CCDC136: variants seen among roughly 807,000 people sequenced by gnomAD.
The protein encoded by CCDC136 is coiled-coil domain containing 136, also known as coiled-coil domain-containing protein 136.
CCDC136 carries 100 observed loss-of-function variants against 141.2 expected under a neutral mutation model. The observed-to-expected ratio is 0.71, with a 90% CI of 0.60 to 0.84. The LOEUF (loss-of-function observed/expected upper bound fraction) is 0.84. Ranked by LOEUF, CCDC136 falls within the 40% of genes least tolerant of loss-of-function variation. CCDC136 has a pLI of 0.00. For missense variants in CCDC136, 1,206 were observed against 1,379.4 expected, an observed-to-expected ratio of 0.87 and a Z score of 1.99; for synonymous variants, 474 against 531.9, an observed-to-expected ratio of 0.89 and a Z score of 1.50.
chr7:128,812,460 C>G, intron 13 of CCDC136, 148 bp downstream of exon 13: 1 of 915,326 alleles, frequency 1.1e-6, no homozygotes, highest in African/African-American at 1.7e-5. Flanking sequence ...GCCCTCTACC[C>G]ATGGCAGCCT....
chr7:128,812,642 C>A, intron 13 of CCDC136, 66 bp from the exon 14 acceptor site: 3 of 1,275,212 alleles, frequency 2.4e-6, no homozygotes, highest in Non-Finnish European at 1.1e-6. Flanking sequence ...AGGGAAGGGC[C>A]CAGCAGAGTA....
rs1438485584 is a variant in CCDC136 at position 128,815,620 on chromosome 7, G to C, written c.3052G>C (p.Glu1018Gln). Residue 1018 changes from glutamate (E) to glutamine (Q), a missense_variant, in exon 16 of 18, where the codon GAG becomes CAG. Coordinates refer to ENST00000297788, the MANE Select transcript of CCDC136 (RefSeq NM_022742.5). ...ESDLETRKSL[E>Q]VVLYYKASQR... Reference sequence around the variant, plus strand: ...CCCTACTCCCACCCCACAGAGTCTGGAGGTAGTGCTGTACTACAAGGCCAG... The same window carrying C: ...CCCTACTCCCACCCCACAGAGTCTGCAGGTAGTGCTGTACTACAAGGCCAG... The C allele has an allele frequency of 1.9e-6, 3 of 1,553,758 alleles. No homozygotes were observed. Among genetic ancestry groups the C allele is most frequent in the African/African-American group, 2.7e-5 (2 of 73,074 alleles).
chr7:128,813,816 A>G (rs1330759756), intron 14 of CCDC136, among the ~76,000 whole-genome samples: 1 of 152,068 alleles, frequency 6.6e-6, no homozygotes, highest in East Asian at 1.9e-4. Flanking sequence ...CCCCATCTCT[A>G]CTAAAAATAC....
Position 128,821,772 on chromosome 7 carries a change from C to T in CCDC136, c.*6-27C>T, listed in dbSNP as rs1807465782. ...AGGGCAGGGTTCAGGAGGCTGGGCACTCACAGTTTCTCTTTGGTCCCCACA... is the reference window on the plus strand; with the variant it reads ...AGGGCAGGGTTCAGGAGGCTGGGCATTCACAGTTTCTCTTTGGTCCCCACA... On this transcript the variant is annotated intron_variant, in intron 17 of 17. Coordinates refer to ENST00000297788, the MANE Select transcript of CCDC136 (RefSeq NM_022742.5). The surrounding 1 kb of genome is among the most constrained non-coding windows in gnomAD (Gnocchi z 5.1). 5 of 1,290,224 alleles carry T rather than the reference C, an allele frequency of 3.9e-6. No homozygotes were observed. Among genetic ancestry groups the T allele is most frequent in the Non-Finnish European group, 5.1e-6 (5 of 988,928 alleles). 79.9% of individuals were successfully genotyped at this position (1,290,224 alleles called of 1,614,324 possible). A position where few individuals can be genotyped will look rare whatever the true frequency, so the allele number is the denominator to read the frequency against.
intron 3 of CCDC136, among the ~76,000 whole-genome samples, chr7:128,800,447 C>A (rs1172897789): frequency 6.6e-6 from 1 of 150,824 alleles, no homozygotes; most frequent in Admixed American, 6.6e-5. Flanking sequence ...CGTGCCACCA[C>A]ACCTGGCTTT....
Position 128,792,277 on chromosome 7 carries a change from C to T in CCDC136, c.-135C>T. The T allele has an allele frequency of 1.3e-6, 2 of 1,511,088 alleles. No individual in the cohort carries two copies. Among genetic ancestry groups the T allele is most frequent in the Non-Finnish European group, 8.9e-7 (1 of 1,122,698 alleles). The allele number at this position is 1,511,088 out of a possible 1,614,324, so 93.6% of individuals were successfully genotyped here. On this transcript the variant is annotated 5_prime_UTR_variant, in exon 1 of 18. Coordinates refer to ENST00000297788, the MANE Select transcript of CCDC136 (RefSeq NM_022742.5). The stretch of plus-strand genomic sequence containing the variant: ...CTTTCCTCTGCACCCCAGCCCGCAG[C>T]CAGCCCCCCACCCCCCAGCCCCTCC...
chr7:128,797,531 G>A (rs951194650), intron 3 of CCDC136, among the ~76,000 whole-genome samples: 1 of 152,200 alleles, frequency 6.6e-6, no homozygotes, highest in African/African-American at 2.4e-5. Flanking sequence ...AGAGCAGAAA[G>A]TGCTTCAAGG....
chr7:128,795,156 G>A (rs551263055), intron 3 of CCDC136, among the ~76,000 whole-genome samples: 1 of 152,050 alleles, frequency 6.6e-6, no homozygotes, highest in African/African-American at 2.4e-5. Flanking sequence ...CCTTTTTCTG[G>A]TTCCTCCAAG....
chr7:128,821,748 G>A lies in CCDC136; in HGVS notation c.*6-51G>A. 7.8e-7 allele frequency: 1 copy of A among 1,285,960 alleles called. No homozygotes were observed. The highest frequency in any genetic ancestry group is 5.6e-5 in the East Asian group (1 of 18,004). The allele number at this position is 1,285,960 out of a possible 1,614,324, so 79.7% of individuals were successfully genotyped here. On this transcript the variant is annotated intron_variant, in intron 17 of 17. Coordinates refer to ENST00000297788, the MANE Select transcript of CCDC136 (RefSeq NM_022742.5). This position sits in a 1 kb window ranked among gnomAD's most constrained non-coding sequence, Gnocchi z 5.1. Reference sequence around the variant, plus strand: ...CCATAGGCAGGTGACTTCTGGCTTAGGGCAGGGTTCAGGAGGCTGGGCACT... The same window carrying A: ...CCATAGGCAGGTGACTTCTGGCTTAAGGCAGGGTTCAGGAGGCTGGGCACT...
In CCDC136 at chr7:128,805,568, T is replaced by C. The variant is rs1427706305; in HGVS notation, c.948+44T>C. 6.4e-7 allele frequency: 1 copy of C among 1,566,360 alleles called. No individual in the cohort carries two copies. Among genetic ancestry groups the C allele is most frequent in the Admixed American group, 1.8e-5 (1 of 56,522 alleles). On this transcript the variant is annotated intron_variant, in intron 6 of 17. Coordinates refer to ENST00000297788, the MANE Select transcript of CCDC136 (RefSeq NM_022742.5). The surrounding 1 kb of genome is among the most constrained non-coding windows in gnomAD (Gnocchi z 4.6). ...GGAAGGCAGGCACATTTCTTGTCTT[T>C]CTTTCACCTTCTCCCAGCCTGTGGT...
At chr7:128,815,580 G>A (rs1052612266) in intron 15 of CCDC136, 34 bp from the exon 16 acceptor site, 9 of 1,528,146 alleles carry the variant, frequency 5.9e-6, no homozygotes, top group African/African-American at 2.8e-5. Context: ...CACAGGTAAC[G>A]CAGCCGCCAT....
At chr7:128,797,697 T>G (rs1301788721) in intron 3 of CCDC136, among the ~76,000 whole-genome samples, 1 of 152,120 alleles carries the variant, frequency 6.6e-6, no homozygotes, top group Non-Finnish European at 1.5e-5. Flanking sequence ...ATAACTCCAG[T>G]AGTCATTTTG....
At position 128,801,242 on chromosome 7, in the gene CCDC136, G is replaced by T. The variant is rs544460110; in HGVS notation, c.403G>T (p.Glu135Ter). Reference sequence around the variant, plus strand: ...CCTGTTAGAGCATGAGAAAGAAAGCGAACTTAAGGAAATAGAACAGGAATT... The same window carrying T: ...CCTGTTAGAGCATGAGAAAGAAAGCTAACTTAAGGAAATAGAACAGGAATT... Reference protein sequence around the residue: ...ISLLEHEKESELKEIEQELHL... With the variant: ...ISLLEHEKES The change falls in exon 4 of 18, where the codon GAA (glutamate) becomes TAA (stop). Residue 135 changes from glutamate to a stop codon, truncating the protein, a stop_gained. Coordinates refer to ENST00000297788, the MANE Select transcript of CCDC136 (RefSeq NM_022742.5). LOFTEE classifies it high-confidence loss of function. The T allele has an allele frequency of 1.2e-6, 2 of 1,613,874 alleles. No individual in the cohort carries two copies. Among genetic ancestry groups the T allele is most frequent in the South Asian group, 1.1e-5 (1 of 91,072 alleles).
intron 3 of CCDC136, among the ~76,000 whole-genome samples, chr7:128,796,741 T>C (rs868811055): frequency 1.2e-5 from 1 of 86,948 alleles, no homozygotes; most frequent in Non-Finnish European, 2.0e-5. Flanking sequence ...ATATATATAT[T>C]CTTTTTTTTT....
chr7:128,807,004 G>T, intron 9 of CCDC136, 146 bp downstream of exon 9: 1 of 694,160 alleles, frequency 1.4e-6, no homozygotes, highest in Non-Finnish European at 2.2e-6. Flanking sequence ...AGGTGACCTC[G>T]GGGAGTCACA....
At position 128,806,320 on chromosome 7, in the gene CCDC136, G is replaced by A; in HGVS notation, c.1173G>A (p.Met391Ile). 1 of 1,596,954 alleles carries A rather than the reference G, an allele frequency of 6.3e-7. No individual in the cohort carries two copies. Among genetic ancestry groups the A allele is most frequent in the Non-Finnish European group, 8.5e-7 (1 of 1,171,742 alleles). Residue 391 changes from methionine to isoleucine, a missense_variant, in exon 8 of 18, where the codon ATG becomes ATA. Physicochemically the swap from Met to Ile is conservative, Grantham distance 10. Transcript: ENST00000297788. ...ATGAGCAGAACGAGCTCTTGAAGAT[G>A]CAGCTGCAACTTCAGACTGAGCTCC... The part of the protein sequence containing the change: ...SQDEQNELLK[M>I]QLQLQTELRQ...
chr7:128,805,238 T>G lies in CCDC136; in HGVS notation c.783-121T>G. Reference sequence around the variant, plus strand: ...TAAGCATGTTTATCTGAGCGGTGAGTCACAATAGAAGGCCCCTTACTATCT... The same window carrying G: ...TAAGCATGTTTATCTGAGCGGTGAGGCACAATAGAAGGCCCCTTACTATCT... On this transcript the variant is annotated intron_variant, in intron 5 of 17. Transcript: ENST00000297788. The surrounding 1 kb of genome is among the most constrained non-coding windows in gnomAD (Gnocchi z 4.6). 1 of 778,920 alleles carries G rather than the reference T, an allele frequency of 1.3e-6. No individual in the cohort carries two copies. The highest frequency in any genetic ancestry group is 3.4e-4 in the Middle Eastern group (1 of 2,938). The allele number at this position is 778,920 out of a possible 1,614,324, so 48.3% of individuals were successfully genotyped here.
chr7:128,814,946 A>G (rs1173710114), intron 15 of CCDC136, 27 bp downstream of exon 15: 2 of 1,531,494 alleles, frequency 1.3e-6, no homozygotes, highest in African/African-American at 1.4e-5. Context: ...GTAGCCAGAT[A>G]AGCAGAAAGG....
Position 128,801,345 on chromosome 7 carries a change from C to T in CCDC136, c.506C>T (p.Ala169Val), listed in dbSNP as rs1486276948. The T allele has an allele frequency of 6.2e-7, 1 of 1,613,526 alleles. No homozygotes were observed. Among genetic ancestry groups the T allele is most frequent in the African/African-American group, 1.3e-5 (1 of 74,920 alleles). The change falls in exon 4 of 18, where the codon GCA becomes GTA. Residue 169 changes from alanine (A) to valine (V), a missense_variant. Transcript: ENST00000297788. ...DSATEHESDI[A>V]SLQEDLCRMQ... ...GCAACTGAACATGAGAGTGACATAG[C>T]ATCCCTGCAGGAGGATCTCTGCCGG...
Sources: gnomAD v4.1 joint callset for allele counts (sites outside exome capture counted in the v4.1 genomes callset) on GRCh38, gnomAD v4.1.1 for gene constraint, Gnocchi (gnomAD v3.1) non-coding constraint, MANE v1.5 for transcripts, NCBI Gene and HGNC (gene_info 2026-07-23, HGNC 2026-07-21) for gene names.